Variants in HCN2 observed in about 807,000 individuals in gnomAD.
HCN2 encodes potassium/sodium hyperpolarization-activated cyclic nucleotide-gated channel 2.
In HCN2, 20 loss-of-function variants were observed where a neutral mutation model predicts 52.3. That is an observed-to-expected ratio of 0.38 (90% confidence interval 0.27 to 0.56). The LOEUF is 0.56. Among genes scored for constraint, HCN2 ranks in the 20% least tolerant of loss-of-function variants. The pLI is 0.71. For synonymous variants in HCN2, 694 were observed against 537.0 expected, an observed-to-expected ratio of 1.29 and a Z score of -4.04; for missense variants, 981 against 1,207.7, an observed-to-expected ratio of 0.81 and a Z score of 2.78.
Position 590,016 on chromosome 19 carries a change from C to A in HCN2, c.71C>A (p.Pro24Gln). 4 of 602,664 alleles carry A rather than the reference C, an allele frequency of 6.6e-6. No homozygotes were observed. Among genetic ancestry groups the A allele is most frequent in the Non-Finnish European group, 8.1e-6 (4 of 492,174 alleles). The allele number at this position is 602,664 out of a possible 1,614,324, so 37.3% of individuals were successfully genotyped here. Residue 24 changes from proline (P) to glutamine (Q), a missense_variant, in exon 1 of 8, where the codon CCG (proline) becomes CAG (glutamine). Pro to Gln is a moderately conservative substitution (Grantham distance 76). Transcript: ENST00000251287. This position sits in a 1 kb window ranked among gnomAD's most constrained non-coding sequence, Gnocchi z 7.2. ...GCGACCCCCGCGCCGGGGCCGCCGC[C>A]GCCGCCGCCGCCCGCGCCCCCCCAA... is the stretch of plus-strand genomic sequence containing the variant. ...PGATPAPGPP[P>Q]PPPPAPPQQQ...
Position 589,895 on chromosome 19 carries a change from C to CCGG in HCN2, c.-34_-32dup, listed in dbSNP as rs1035520656. ...GCCTCCCCCCTCCCTCGGGCTCCGG[C>CCGG]CGGCGGCGGCGGCGGCGGCTCCGCT... is the stretch of plus-strand genomic sequence containing the variant. On this transcript the variant is annotated 5_prime_UTR_variant, in exon 1 of 8. Transcript: ENST00000251287. 335 of 712,428 alleles carry CCGG rather than the reference C, an allele frequency of 4.7e-4. 1 individual carries two copies. The highest frequency in any genetic ancestry group is 2.0e-3 in the East Asian group (13 of 6,578). 44.1% of individuals were successfully genotyped at this position (712,428 alleles called of 1,614,324 possible).
Position 616,183 on chromosome 19 carries a change from G to C in HCN2, c.2379G>C (p.Ser793=). 1.0e-6 allele frequency: 1 copy of C among 956,184 alleles called. No homozygotes were observed. The highest frequency in any genetic ancestry group is 2.0e-5 in the African/African-American group (1 of 50,708). The allele number at this position is 956,184 out of a possible 1,614,324, so 59.2% of individuals were successfully genotyped here. A position where few individuals can be genotyped will look rare whatever the true frequency, so the allele number is the denominator to read the frequency against. ...CCAGCCCCCGGGCACCGCGGACCTC[G>C]CCCTACGGCGGCCTGCCCGCCGCCC... ...APASPRAPRT[S]PYGGLPAAPL... is the part of the protein sequence containing the mutation. Residue 793 remains serine (S), a synonymous_variant, in exon 8 of 8, where the codon TCG becomes TCC. Transcript: ENST00000251287.
chr19:590,558 C>T lies in HCN2; in HGVS notation c.613C>T (p.His205Tyr). 6.7e-7 allele frequency: 1 copy of T among 1,491,982 alleles called. No individual in the cohort carries two copies. The highest frequency in any genetic ancestry group is 9.0e-7 in the Non-Finnish European group (1 of 1,111,706). The allele number at this position is 1,491,982 out of a possible 1,614,324, so 92.4% of individuals were successfully genotyped here. ...RVKSAGAWII[H>Y]PYSDFRFYWD... is the part of the protein sequence containing the mutation. Reference sequence around the variant, plus strand: ...CAAGTCGGCGGGGGCCTGGATCATCCACCCGTACAGCGACTTCAGGTACCG... The same window carrying T: ...CAAGTCGGCGGGGGCCTGGATCATCTACCCGTACAGCGACTTCAGGTACCG... The change falls in exon 1 of 8, where the codon CAC becomes TAC. Residue 205 changes from histidine to tyrosine, a missense_variant. Physicochemically the swap from His to Tyr is moderately conservative, Grantham distance 83. Transcript: ENST00000251287. The surrounding 1 kb of genome is among the most constrained non-coding windows in gnomAD (Gnocchi z 7.2).
At position 603,700 on chromosome 19, in the gene HCN2, C is replaced by T; in HGVS notation, c.789C>T (p.Phe263=). 1 of 1,612,840 alleles carries T rather than the reference C, an allele frequency of 6.2e-7. No individual in the cohort carries two copies. The highest frequency in any genetic ancestry group is 1.7e-5 in the Admixed American group (1 of 59,998). The change falls in exon 2 of 8, where the codon TTC becomes TTT. Residue 263 remains phenylalanine (F), a synonymous_variant. Transcript: ENST00000251287. ...TFFLMDLVLN[F]RTGIVIEDNT... ...TCCTCATGGACCTGGTGTTGAACTTCCGCACCGGCATTGTGATCGAGGACA... is the reference window on the plus strand; with the variant it reads ...TCCTCATGGACCTGGTGTTGAACTTTCGCACCGGCATTGTGATCGAGGACA...
intron 5 of HCN2, among the ~76,000 whole-genome samples, chr19:611,611 G>C (rs549694996): frequency 6.6e-6 from 1 of 152,174 alleles, no homozygotes; most frequent in African/African-American, 2.4e-5. Flanking sequence ...TGATGACTAC[G>C]GTTTCCATTC....
At chr19:607,823 C>A in intron 3 of HCN2, 141 bp from the exon 4 acceptor site, 1 of 634,384 alleles carries the variant, frequency 1.6e-6, no homozygotes, top group Non-Finnish European at 2.8e-6. Context: ...ACCTGGGTCT[C>A]CATTTCTCTT....
chr19:608,361 C>A (rs1031764267), intron 4 of HCN2, among the ~76,000 whole-genome samples, 179 bp downstream of exon 4: 45 of 130,560 alleles, frequency 3.4e-4, no homozygotes, highest in Middle Eastern at 3.5e-3. Flanking sequence ...AGTCCTTGTC[C>A]CGGGGTCTGA....
rs1340761061 is a variant in HCN2, at chr19:613,331, G to A, written c.1668G>A (p.Met556Ile). The change falls in exon 6 of 8, where the codon ATG becomes ATA. Residue 556 changes from methionine (M) to isoleucine (I), a missense_variant. This residue lies in a region of HCN2 where 282 missense variants were observed against 553.8 expected (regional missense o/e 0.51). Transcript: ENST00000251287. ...CCGACCCCAACTTCGTCACGGCCATGCTGACCAAGCTCAAGTTCGAGGTCT... is the reference window on the plus strand; with the variant it reads ...CCGACCCCAACTTCGTCACGGCCATACTGACCAAGCTCAAGTTCGAGGTCT... Reference protein sequence around the residue: ...ANADPNFVTAMLTKLKFEVFQ... With the variant: ...ANADPNFVTAILTKLKFEVFQ... 6.2e-7 allele frequency: 1 copy of A among 1,613,060 alleles called. No individual in the cohort carries two copies. Among genetic ancestry groups the A allele is most frequent in the East Asian group, 2.2e-5 (1 of 44,824 alleles).
In HCN2 at chr19:617,136, A is replaced by G; in HGVS notation, c.*662A>G. ...TAACCCCCACACCCCCATTCCGCGC[A>G]ATAAACGACAGCATTGGCGCCAAGC... On this transcript the variant is annotated 3_prime_UTR_variant, in exon 8 of 8. Transcript: ENST00000251287. 2.0e-6 allele frequency: 1 copy of G among 489,992 alleles called. No individual in the cohort carries two copies. Among genetic ancestry groups the G allele is most frequent in the Non-Finnish European group, 3.7e-6 (1 of 269,158 alleles). 30.4% of individuals were successfully genotyped at this position (489,992 alleles called of 1,614,324 possible). A position where few individuals can be genotyped will look rare whatever the true frequency, so the allele number is the denominator to read the frequency against.
chr19:613,175 GGTCCCAGAGGCA>G, intron 5 of HCN2, 61 bp from the exon 6 acceptor site: 2 of 1,519,882 alleles, frequency 1.3e-6, no homozygotes, highest in Non-Finnish European at 1.8e-6. Flanking sequence ...GAGGTGAGCC[GGTCCCAGAGGCA>G]GGGCGAGGGG....
At chr19:600,296 C>A (rs1173635010) in intron 1 of HCN2, among the ~76,000 whole-genome samples, 2 of 152,208 alleles carry the variant, frequency 1.3e-5, no homozygotes, top group Non-Finnish European at 2.9e-5. Flanking sequence ...CTTCAGCGTC[C>A]CGAGTAGCTG....
Position 616,595 on chromosome 19 carries a change from G to GCTA in HCN2, c.*121_*122insCTA. ...CCCAGAAGCCATAGACGAGACGTAG[G>GCTA]TAGCCGTAGTTGGACGGACGGGCAG... is the stretch of plus-strand genomic sequence containing the variant. On this transcript the variant is annotated 3_prime_UTR_variant, in exon 8 of 8. Transcript: ENST00000251287. The GCTA allele has an allele frequency of 1.8e-6, 1 of 566,644 alleles. No individual in the cohort carries two copies. The highest frequency in any genetic ancestry group is 2.4e-6 in the Non-Finnish European group (1 of 415,282). The allele number at this position is 566,644 out of a possible 1,614,324, so 35.1% of individuals were successfully genotyped here.
chr19:617,156 C>T lies in HCN2; in HGVS notation c.*682C>T. ...CGCGCAATAAACGACAGCATTGGCG[C>T]CAAGCCTGGCCGCGTGTGATTGCCC... is the stretch of plus-strand genomic sequence containing the variant. On this transcript the variant is annotated 3_prime_UTR_variant, in exon 8 of 8. Coordinates refer to ENST00000251287, the MANE Select transcript of HCN2 (RefSeq NM_001194.4). 1.8e-6 allele frequency: 2 copies of T among 1,121,412 alleles called. No homozygotes were observed. The highest frequency in any genetic ancestry group is 2.6e-6 in the Non-Finnish European group (2 of 767,750). 69.5% of individuals were successfully genotyped at this position (1,121,412 alleles called of 1,614,324 possible).
At chr19:613,099 G>C in intron 5 of HCN2, 149 bp from the exon 6 acceptor site, 1 of 1,061,302 alleles carries the variant, frequency 9.4e-7, no homozygotes, top group Non-Finnish European at 1.3e-6. Flanking sequence ...CCCGTCCTTG[G>C]CGGCAGCAGC....
intron 3 of HCN2, among the ~76,000 whole-genome samples, chr19:607,529 G>A (rs572359475): frequency 5.9e-5 from 9 of 152,342 alleles, no homozygotes; most frequent in African/African-American, 2.2e-4. Context: ...AGAGCCCCGC[G>A]GCTCCCCTTT....
Position 603,649 on chromosome 19 carries a change from G to A in HCN2, c.738G>A (p.Val246=). 6.2e-7 allele frequency: 1 copy of A among 1,612,652 alleles called. No individual in the cohort carries two copies. Among genetic ancestry groups the A allele is most frequent in the Non-Finnish European group, 8.5e-7 (1 of 1,179,690 alleles). Residue 246 remains valine, a synonymous_variant, in exon 2 of 8, where the codon GTG becomes GTA. Coordinates refer to ENST00000251287, the MANE Select transcript of HCN2 (RefSeq NM_001194.4). ...FKDETTAPWI[V]FNVVSDTFFL... ...ATGAGACCACTGCCCCGTGGATCGT[G>A]TTCAACGTGGTCTCGGACACCTTCT...
intron 4 of HCN2, among the ~76,000 whole-genome samples, chr19:609,238 G>A (rs1425595035): frequency 6.6e-6 from 1 of 152,228 alleles, no homozygotes; most frequent in African/African-American, 2.4e-5. Context: ...GGGCGGAAGT[G>A]AGGCTGGAGC....
Position 616,015 on chromosome 19 carries a change from C to T in HCN2, c.2211C>T (p.Ser737=). The T allele has an allele frequency of 2.1e-6, 3 of 1,430,266 alleles. No homozygotes were observed. The highest frequency in any genetic ancestry group is 1.5e-5 in the South Asian group (1 of 68,554). 88.6% of individuals were successfully genotyped at this position (1,430,266 alleles called of 1,614,324 possible). Residue 737 remains serine (S), a synonymous_variant, in exon 8 of 8, where the codon AGC becomes AGT. Coordinates refer to ENST00000251287, the MANE Select transcript of HCN2 (RefSeq NM_001194.4). The part of the protein sequence containing the change: ...IATLQQAAAM[S]FCPQVARPLV... The stretch of plus-strand genomic sequence containing the variant: ...CGCTGCAGCAGGCGGCGGCCATGAG[C>T]TTCTGCCCGCAGGTGGCGCGGCCGC...
intron 1 of HCN2, among the ~76,000 whole-genome samples, chr19:601,561 G>A (rs1286669383): frequency 2.6e-5 from 4 of 151,548 alleles, no homozygotes; most frequent in East Asian, 3.9e-4. Context: ...GTGTGAACAC[G>A]GTGGGGTGGT....
Sources: allele counts gnomAD v4.1 joint callset (sites outside exome capture counted in the v4.1 genomes callset), GRCh38; gene constraint gnomAD v4.1.1; regional missense constraint gnomAD v4.1.1; non-coding constraint Gnocchi (gnomAD v3.1); transcripts MANE v1.5; gene names NCBI Gene and HGNC (gene_info 2026-07-23, HGNC 2026-07-21).